The following MFAP3L variants were observed in gnomAD, a reference collection of about 807,000 sequenced individuals.
The protein encoded by MFAP3L is microfibrillar-associated protein 3-like.
MFAP3L carries 5 observed loss-of-function variants against 20.0 expected under a neutral mutation model. The observed-to-expected ratio is 0.25, with a 90% CI of 0.13 to 0.53. MFAP3L has a LOEUF of 0.53. Among genes scored for constraint, MFAP3L ranks in the 20% least tolerant of loss-of-function variants. The pLI is 0.96. For missense variants in MFAP3L, 409 were observed against 527.5 expected (o/e 0.78, Z 2.20); for synonymous variants, 219 against 213.0 (o/e 1.03, Z -0.25).
At position 169,991,600 on chromosome 4, in the gene MFAP3L, T is replaced by C; in HGVS notation, c.1008A>G (p.Gly336=). The change falls in exon 3 of 3, where the codon GGA becomes GGG. Residue 336 remains glycine, a synonymous_variant. Coordinates refer to ENST00000361618, the MANE Select transcript of MFAP3L (RefSeq NM_021647.8). This position sits in a 1 kb window ranked among gnomAD's most constrained non-coding sequence, Gnocchi z 4.9. The stretch of plus-strand genomic sequence containing the variant: ...CCTCTACATCTTTGACTTCAAACTG[T>C]CCACCCTCTTGGTCATCTGCATGCT... The part of the protein sequence containing the change: ...KKEHADDQEG[G]QFEVKDVEET... The C allele has an allele frequency of 2.5e-6, 4 of 1,614,198 alleles. No homozygotes were observed. The highest frequency in any genetic ancestry group is 3.4e-6 in the Non-Finnish European group (4 of 1,180,030).
chr4:170,001,976 A>G, intron 2 of MFAP3L: 2 of 985,458 alleles, frequency 2.0e-6, no homozygotes, highest in Non-Finnish European at 2.4e-6. Context: ...TTTTCAGCAG[A>G]AACGAGACAT....
chr4:170,006,422 T>C (rs1202968276), intron 1 of MFAP3L, among the ~76,000 whole-genome samples: 1 of 152,210 alleles, frequency 6.6e-6, no homozygotes, highest in East Asian at 1.9e-4. Flanking sequence ...CAAACCTACA[T>C]ACTTTTTAAA....
chr4:169,997,554 G>A (rs1253898558), intron 2 of MFAP3L, among the ~76,000 whole-genome samples: 2 of 152,188 alleles, frequency 1.3e-5, no homozygotes, highest in Admixed American at 1.3e-4. Context: ...GTGTCTATGT[G>A]TAGAAAATCA....
intron 1 of MFAP3L, among the ~76,000 whole-genome samples, chr4:170,008,182 T>A (rs1186662407): frequency 6.6e-6 from 1 of 152,084 alleles, no homozygotes; most frequent in African/African-American, 2.4e-5. Flanking sequence ...AAGCAGAGAC[T>A]TTCGTTTTAT....
At chr4:170,026,132 C>A in intron 1 of MFAP3L, 102 bp downstream of exon 1, 1 of 682,934 alleles carries the variant, frequency 1.5e-6, no homozygotes, top group Non-Finnish European at 1.8e-6. Flanking sequence ...CCCAAACACC[C>A]GAAAGTTCGG....
At chr4:169,999,524 CTT>C (rs2110962621) in intron 2 of MFAP3L, among the ~76,000 whole-genome samples, 1 of 152,256 alleles carries the variant, frequency 6.6e-6, no homozygotes, top group Admixed American at 6.5e-5. Flanking sequence ...TCATAATAGT[CTT>C]TTCTAGAGAG....
chr4:170,006,076 A>G, intron 1 of MFAP3L, 66 bp from the exon 2 acceptor site: 1 of 1,233,626 alleles, frequency 8.1e-7, no homozygotes, highest in Non-Finnish European at 1.1e-6. Flanking sequence ...AAACACTATA[A>G]ACGGTTAGCA....
intron 1 of MFAP3L, among the ~76,000 whole-genome samples, chr4:170,011,993 G>A (rs981648571): frequency 2.6e-5 from 4 of 152,196 alleles, no homozygotes; most frequent in Non-Finnish European, 4.4e-5. Flanking sequence ...CAAGAACAGA[G>A]GAGGGGGAAG....
chr4:169,997,760 G>C (rs1738288402), intron 2 of MFAP3L: 1 of 984,040 alleles, frequency 1.0e-6, no homozygotes. Context: ...ACCGCAGCCT[G>C]GATGGCCGAC....
chr4:169,996,955 A>T (rs1272780934), intron 2 of MFAP3L, among the ~76,000 whole-genome samples: 1 of 152,114 alleles, frequency 6.6e-6, no homozygotes, highest in East Asian at 1.9e-4. Context: ...CCCATCCTCA[A>T]GTCTTGCTCC....
chr4:170,025,388 T>G (rs189763752), intron 1 of MFAP3L, among the ~76,000 whole-genome samples: 47 of 152,278 alleles, frequency 3.1e-4, no homozygotes, highest in Admixed American at 1.7e-3. Context: ...TAACGCAAAA[T>G]AAAGATTGCC....
chr4:170,016,369 C>T (rs1347371536), intron 1 of MFAP3L, among the ~76,000 whole-genome samples: 2 of 152,120 alleles, frequency 1.3e-5, no homozygotes, highest in African/African-American at 4.8e-5. Context: ...GGGTAAACCC[C>T]GGCATCCTTG....
chr4:170,024,201 G>A (rs1740210135), intron 1 of MFAP3L, among the ~76,000 whole-genome samples: 1 of 152,100 alleles, frequency 6.6e-6, no homozygotes, highest in South Asian at 2.1e-4. Context: ...AGGGAAATGT[G>A]GACTTTTTGA....
intron 2 of MFAP3L, among the ~76,000 whole-genome samples, chr4:169,999,913 G>C (rs1461776703): frequency 6.6e-6 from 1 of 152,180 alleles, no homozygotes; most frequent in Non-Finnish European, 1.5e-5. Flanking sequence ...TTATTGTAGG[G>C]GTCTGTCCTG....
rs1413961623 is a variant in MFAP3L at position 169,992,343 on chromosome 4, GAC to G, written c.299-36_299-35del. 6.5e-7 allele frequency: 1 copy of G among 1,535,300 alleles called. No homozygotes were observed. The highest frequency in any genetic ancestry group is 8.9e-7 in the Non-Finnish European group (1 of 1,124,670). ...AGGGAGAGAAGAGAATTCAACCAAG[GAC>G]ACAGAGCTCCCATGACTACAAACTG... On this transcript the variant is annotated intron_variant, in intron 2 of 2. Transcript: ENST00000361618. This position sits in a 1 kb window ranked among gnomAD's most constrained non-coding sequence, Gnocchi z 4.3.
chr4:169,998,402 C>T (rs1303744093), intron 2 of MFAP3L, among the ~76,000 whole-genome samples: 4 of 152,220 alleles, frequency 2.6e-5, no homozygotes, highest in African/African-American at 9.6e-5. Flanking sequence ...TACTGCTGTA[C>T]AGCAAGGAGC....
At chr4:170,017,522 GA>G in intron 1 of MFAP3L, among the ~76,000 whole-genome samples, 1 of 152,218 alleles carries the variant, frequency 6.6e-6, no homozygotes, top group South Asian at 2.1e-4. Flanking sequence ...AACACTGCAG[GA>G]AAAGTCCCTT....
At chr4:170,016,465 C>G (rs1433681909) in intron 1 of MFAP3L, among the ~76,000 whole-genome samples, 1 of 152,192 alleles carries the variant, frequency 6.6e-6, no homozygotes, top group Non-Finnish European at 1.5e-5. Context: ...CCAGCGAGGC[C>G]CTTCCTGGTC....
At chr4:170,009,649 CTACTT>C (rs1183901910) in intron 1 of MFAP3L, among the ~76,000 whole-genome samples, 1 of 152,192 alleles carries the variant, frequency 6.6e-6, no homozygotes, top group Non-Finnish European at 1.5e-5. Flanking sequence ...CTTTGATAGA[CTACTT>C]TATTTTCTAT....
Sources: gnomAD v4.1 joint callset for allele counts (sites outside exome capture counted in the v4.1 genomes callset) on GRCh38, gnomAD v4.1.1 for gene constraint, Gnocchi (gnomAD v3.1) non-coding constraint, MANE v1.5 for transcripts, NCBI Gene and HGNC (gene_info 2026-07-23, HGNC 2026-07-21) for gene names.